The following RGL1 variants were observed in gnomAD, a reference collection of about 807,000 sequenced individuals.
RGL1 encodes the protein ral guanine nucleotide dissociation stimulator-like 1.
RGL1 carries 24 observed loss-of-function variants against 95.2 expected under a neutral mutation model. The observed-to-expected ratio is 0.25, with a 90% CI of 0.18 to 0.35. The LOEUF is 0.35. Among genes scored for constraint, RGL1 ranks in the 10% least tolerant of loss-of-function variants. The probability of loss-of-function intolerance (pLI) is 1.00; values close to 1 mark genes in which losing one functional copy is unlikely to be tolerated. For missense variants in RGL1, 715 were observed against 936.3 expected, an observed-to-expected ratio of 0.76 and a Z score of 3.08; for synonymous variants, 329 against 344.9, an observed-to-expected ratio of 0.95 and a Z score of 0.51.
intron 1 of RGL1, among the ~76,000 whole-genome samples, chr1:183,697,304 A>G (rs1333880319): frequency 1.3e-5 from 2 of 152,154 alleles, no homozygotes; most frequent in Non-Finnish European, 2.9e-5. Flanking sequence ...ATCACTCACT[A>G]TCCCCATTCC....
chr1:183,919,541 A>G (rs1243658898), intron 16 of RGL1, among the ~76,000 whole-genome samples: 1 of 152,214 alleles, frequency 6.6e-6, no homozygotes, highest in South Asian at 2.1e-4. Context: ...TAGATTGCAC[A>G]CTGAGAACTG....
At chr1:183,821,079 G>C (rs1456533960) in intron 2 of RGL1, among the ~76,000 whole-genome samples, 1 of 152,114 alleles carries the variant, frequency 6.6e-6, no homozygotes, top group Non-Finnish European at 1.5e-5. Flanking sequence ...GTTGCAGTGA[G>C]CTGAGATTGC....
chr1:183,663,651 G>T (rs1651815144), intron 1 of RGL1, among the ~76,000 whole-genome samples: 1 of 151,974 alleles, frequency 6.6e-6, no homozygotes, highest in Non-Finnish European at 1.5e-5. Context: ...GGAAGTCAGT[G>T]TGGCGATTCC....
At chr1:183,698,320 C>T (rs1654374643) in intron 1 of RGL1, among the ~76,000 whole-genome samples, 1 of 152,182 alleles carries the variant, frequency 6.6e-6, no homozygotes, top group Admixed American at 6.5e-5. Flanking sequence ...TTGCTAGTCC[C>T]TGGCTTATTC....
upstream of RGL1, among the ~76,000 whole-genome samples, chr1:183,800,620 A>G (rs1463947565): frequency 6.6e-6 from 1 of 152,226 alleles, no homozygotes; most frequent in East Asian, 1.9e-4. Context: ...ATCTTGCATA[A>G]CTGAAACTCT....
At chr1:183,895,791 T>C (rs1350990693) in intron 9 of RGL1, among the ~76,000 whole-genome samples, 1 of 152,154 alleles carries the variant, frequency 6.6e-6, no homozygotes, top group Non-Finnish European at 1.5e-5. Context: ...TTTGGAATAA[T>C]AGGGACTCGT....
chr1:183,710,204 T>C, intron 1 of RGL1: 1 of 216,924 alleles, frequency 4.6e-6, no homozygotes, highest in South Asian at 6.5e-5. Flanking sequence ...CTGCAGGCTC[T>C]TCGATGCACA....
intron 2 of RGL1, among the ~76,000 whole-genome samples, chr1:183,758,776 G>T (rs1658499682): frequency 6.6e-6 from 1 of 152,114 alleles, no homozygotes; most frequent in Admixed American, 6.5e-5. Flanking sequence ...ACCTAACAAA[G>T]TTTGGGAACA....
chr1:183,754,317 C>G (rs963879260), intron 2 of RGL1: 1 of 152,124 alleles, frequency 6.6e-6, no homozygotes, highest in Non-Finnish European at 1.5e-5. Context: ...CATAAGCTAA[C>G]CTTGGGCTTT....
At chr1:183,845,482 C>G (rs915142372) in intron 2 of RGL1, among the ~76,000 whole-genome samples, 3 of 152,184 alleles carry the variant, frequency 2.0e-5, no homozygotes, top group Non-Finnish European at 2.9e-5. Context: ...TACCAAGGTA[C>G]AATTATATCT....
chr1:183,673,591 GT>G (rs1342343028), intron 1 of RGL1, among the ~76,000 whole-genome samples: 6 of 152,206 alleles, frequency 3.9e-5, no homozygotes, highest in African/African-American at 1.4e-4. Context: ...GCAGTTCTAT[GT>G]TTATGTCTTT....
At chr1:183,844,445 T>C (rs1664280924) in intron 2 of RGL1, among the ~76,000 whole-genome samples, 1 of 152,338 alleles carries the variant, frequency 6.6e-6, no homozygotes, top group East Asian at 1.9e-4. Flanking sequence ...GAAATCCATC[T>C]GGAAATGCTG....
chr1:183,858,073 T>C (rs917804460), intron 3 of RGL1, among the ~76,000 whole-genome samples: 1 of 152,214 alleles, frequency 6.6e-6, no homozygotes, highest in South Asian at 2.1e-4. Context: ...TATCCTTTTT[T>C]TGAAAAGAAT....
At chr1:183,755,544 G>A (rs1259211479) in intron 2 of RGL1, among the ~76,000 whole-genome samples, 1 of 152,042 alleles carries the variant, frequency 6.6e-6, no homozygotes, top group Non-Finnish European at 1.5e-5. Context: ...AGGAAGCAAT[G>A]GGAGAATTGG....
At chr1:183,815,497 A>G (rs965623599) in intron 2 of RGL1, among the ~76,000 whole-genome samples, 5 of 152,168 alleles carry the variant, frequency 3.3e-5, no homozygotes, top group Non-Finnish European at 5.9e-5. Flanking sequence ...AGGCCTGGCT[A>G]GGGAATTAGC....
chr1:183,664,746 C>A (rs1651914524), intron 1 of RGL1, among the ~76,000 whole-genome samples: 1 of 152,036 alleles, frequency 6.6e-6, no homozygotes, highest in South Asian at 2.1e-4. Flanking sequence ...TATCCTGTAA[C>A]CTTGCTGTAA....
chr1:183,836,034 C>A (rs562336002), intron 2 of RGL1, among the ~76,000 whole-genome samples: 1 of 152,242 alleles, frequency 6.6e-6, no homozygotes, highest in Admixed American at 6.5e-5. Flanking sequence ...CTGGGTGTGA[C>A]CCCTTACTTC....
intron 1 of RGL1, among the ~76,000 whole-genome samples, chr1:183,639,118 A>G (rs1322384122): frequency 6.6e-6 from 1 of 152,102 alleles, no homozygotes; most frequent in Non-Finnish European, 1.5e-5. Context: ...TGTCTCTACT[A>G]AAAATACAAA....
chr1:183,684,562 C>T (rs1653444083), intron 1 of RGL1, among the ~76,000 whole-genome samples: 1 of 152,146 alleles, frequency 6.6e-6, no homozygotes, highest in Admixed American at 6.5e-5. Context: ...GACCATTTGC[C>T]TCCCTGGCTT....
Sources: gnomAD v4.1 joint callset for allele counts (sites outside exome capture counted in the v4.1 genomes callset) on GRCh38, gnomAD v4.1.1 for gene constraint, MANE v1.5 for transcripts, NCBI Gene and HGNC (gene_info 2026-07-23, HGNC 2026-07-21) for gene names.